XRN1: variants seen among roughly 807,000 people sequenced by gnomAD.
XRN1 encodes the protein strand-exchange protein 1 homolog.
XRN1 carries 67 observed loss-of-function variants against 222.3 expected under a neutral mutation model. That is an observed-to-expected ratio of 0.30 (90% CI 0.25 to 0.37). The LOEUF (loss-of-function observed/expected upper bound fraction) is 0.37. XRN1 is among the 10% of genes least tolerant of loss of function. The probability of loss-of-function intolerance (pLI) is 1.00; values close to 1 mark genes in which losing one functional copy is unlikely to be tolerated. For synonymous variants in XRN1, 643 were observed against 652.4 expected (o/e 0.99, Z 0.22); for missense variants, 1,707 against 2,000.2 (o/e 0.85, Z 2.80).
intron 1 of XRN1, among the ~76,000 whole-genome samples, chr3:142,443,150 C>T (rs1332626436): frequency 2.6e-5 from 4 of 152,178 alleles, no homozygotes; most frequent in South Asian, 2.1e-4. Context: ...AGATCTACCG[C>T]GGACCCCTGG....
intron 1 of XRN1, among the ~76,000 whole-genome samples, chr3:142,446,195 C>T (rs1349179387): frequency 6.6e-6 from 1 of 152,214 alleles, no homozygotes. Flanking sequence ...CTTCCCGTAA[C>T]TTACTTCTTC....
Position 142,380,073 on chromosome 3 carries a change from T to C in XRN1, c.2715+9A>G. The C allele has an allele frequency of 1.2e-6, 2 of 1,608,526 alleles. No homozygotes were observed. Among genetic ancestry groups the C allele is most frequent in the Non-Finnish European group, 1.7e-6 (2 of 1,176,486 alleles). On this transcript the variant is annotated intron_variant, in intron 23 of 40. Transcript: ENST00000392981. The stretch of plus-strand genomic sequence containing the variant: ...TTCTAAATGAAACAATACAAACTAC[T>C]GTACTCACATGCTGGTTCTGTATTA...
At chr3:142,381,292 TAAGA>T (rs1246026146) in intron 22 of XRN1, among the ~76,000 whole-genome samples, 1 of 152,150 alleles carries the variant, frequency 6.6e-6, no homozygotes, top group Admixed American at 6.5e-5. Context: ...GTGTATTTCC[TAAGA>T]TAGATATTTT....
At chr3:142,371,682 T>A (rs2066996219) in intron 25 of XRN1, among the ~76,000 whole-genome samples, 1 of 152,146 alleles carries the variant, frequency 6.6e-6, no homozygotes, top group Non-Finnish European at 1.5e-5. Flanking sequence ...ATACAACAAA[T>A]TAAAATAGAT....
At chr3:142,433,725 TTAGAA>T (rs1310368048) in intron 1 of XRN1, among the ~76,000 whole-genome samples, 7 of 152,204 alleles carry the variant, frequency 4.6e-5, no homozygotes, top group Non-Finnish European at 7.3e-5. Context: ...TAAAAGAATC[TTAGAA>T]TAGAGTCTGC....
At chr3:142,406,971 C>T (rs1450431358) in intron 15 of XRN1, among the ~76,000 whole-genome samples, 13 of 152,188 alleles carry the variant, frequency 8.5e-5, no homozygotes, top group Admixed American at 8.5e-4. Context: ...GTGATCCATG[C>T]CTTTTTATTA....
chr3:142,427,199 G>C (rs879898487), intron 2 of XRN1, among the ~76,000 whole-genome samples: 5 of 152,080 alleles, frequency 3.3e-5, no homozygotes, highest in African/African-American at 4.8e-5. Context: ...CAGGTACAGG[G>C]GCATGTGCCT....
At chr3:142,389,120 C>T (rs977792642) in intron 20 of XRN1, among the ~76,000 whole-genome samples, 14 of 152,084 alleles carry the variant, frequency 9.2e-5, no homozygotes, top group African/African-American at 3.1e-4. Context: ...GGCTGAGGCA[C>T]GAGAATAGCT....
chr3:142,311,791 T>G lies in XRN1; in HGVS notation c.4805A>C (p.Asn1602Thr). ...PLQVTKKRVA[N>T]KKNFENKEAQ... Reference sequence around the variant, plus strand: ...TTCCTTATTCTCAAAGTTCTTTTTGTTTGCAACCCTTTTTTTAGTAACCTG... The same window carrying G: ...TTCCTTATTCTCAAAGTTCTTTTTGGTTGCAACCCTTTTTTTAGTAACCTG... The change falls in exon 41 of 41, where the codon AAC (asparagine) becomes ACC (threonine). Residue 1602 changes from asparagine (N) to threonine (T), a missense_variant. By Grantham distance (65) the Asn-to-Thr change is moderately conservative. This residue lies in a region of XRN1 where 473 missense variants were observed against 482.0 expected (regional missense o/e 0.98). Coordinates refer to ENST00000392981, the MANE Select transcript of XRN1 (RefSeq NM_001282857.2). 6.3e-7 allele frequency: 1 copy of G among 1,592,996 alleles called. No individual in the cohort carries two copies. Among genetic ancestry groups the G allele is most frequent in the South Asian group, 1.1e-5 (1 of 88,360 alleles).
intron 39 of XRN1, among the ~76,000 whole-genome samples, chr3:142,315,177 C>T (rs1340709757): frequency 6.6e-6 from 1 of 151,996 alleles, no homozygotes; most frequent in Non-Finnish European, 1.5e-5. Flanking sequence ...TCTAGTGATC[C>T]TCTGAGCTCA....
chr3:142,376,952 T>C (rs1448612772), intron 23 of XRN1, among the ~76,000 whole-genome samples: 2 of 152,120 alleles, frequency 1.3e-5, no homozygotes, highest in African/African-American at 4.8e-5. Flanking sequence ...CTAATTTTCA[T>C]ATTCCAAGCA....
intron 29 of XRN1, among the ~76,000 whole-genome samples, chr3:142,360,884 A>AAC (rs1158331321): frequency 4.9e-4 from 75 of 151,552 alleles, no homozygotes; most frequent in African/African-American, 1.6e-3. Context: ...AAAAAAAAAA[A>AAC]AAAAAACCAA....
At position 142,380,165 on chromosome 3, in the gene XRN1, C is replaced by T. The variant is rs1160890932; in HGVS notation, c.2632G>A (p.Asp878Asn). 1.9e-6 allele frequency: 3 copies of T among 1,613,640 alleles called. No homozygotes were observed. Among genetic ancestry groups the T allele is most frequent in the Admixed American group, 1.7e-5 (1 of 59,950 alleles). The change falls in exon 23 of 41, where the codon GAT (aspartate) becomes AAT (asparagine). Residue 878 changes from aspartate (D) to asparagine (N), a missense_variant. Asp to Asn is a conservative substitution (Grantham distance 23). Transcript: ENST00000392981. ...GCTGEVQDSG[D>N]VITEGRIRVI... ...CGAATCCTACCTTCTGTAATCACAT[C>T]ACCTGAATCCTGAACCTTAGAAGAA... is the stretch of plus-strand genomic sequence containing the variant.
chr3:142,373,401 A>C (rs1241939940), intron 25 of XRN1, among the ~76,000 whole-genome samples: 1 of 152,060 alleles, frequency 6.6e-6, no homozygotes, highest in East Asian at 1.9e-4. Context: ...CAGAAATAGA[A>C]AGCAGGAAAA....
At chr3:142,394,402 C>T (rs190668457) in intron 20 of XRN1, among the ~76,000 whole-genome samples, 54 of 152,270 alleles carry the variant, frequency 3.5e-4, no homozygotes, top group African/African-American at 1.2e-3. Flanking sequence ...AAAGGATCCT[C>T]AATACTGCTT....
intron 2 of XRN1, among the ~76,000 whole-genome samples, chr3:142,431,864 A>AT (rs1559879257): frequency 3.7e-5 from 1 of 27,372 alleles, no homozygotes; most frequent in South Asian, 5.7e-4. Flanking sequence ...TATTATATAT[A>AT]ATATATTATA....
chr3:142,362,096 G>A (rs1258621107), intron 29 of XRN1, among the ~76,000 whole-genome samples: 4 of 150,408 alleles, frequency 2.7e-5, no homozygotes, highest in Non-Finnish European at 4.4e-5. Flanking sequence ...AGCCTCCTGA[G>A]TAGCTGGGAT....
At chr3:142,344,057 T>C (rs887885629) in intron 33 of XRN1, among the ~76,000 whole-genome samples, 2 of 125,936 alleles carry the variant, frequency 1.6e-5, no homozygotes, top group Admixed American at 2.2e-4. Flanking sequence ...CTCATGAAAA[T>C]AGAGTAGAAG....
At chr3:142,433,836 G>A (rs894022864) in intron 1 of XRN1, among the ~76,000 whole-genome samples, 2 of 152,060 alleles carry the variant, frequency 1.3e-5, no homozygotes, top group South Asian at 2.1e-4. Context: ...TTTACAACAC[G>A]TACAAGTAAC....
Sources: allele counts gnomAD v4.1 joint callset (sites outside exome capture counted in the v4.1 genomes callset), GRCh38; gene constraint gnomAD v4.1.1; regional missense constraint gnomAD v4.1.1; transcripts MANE v1.5; gene names NCBI Gene and HGNC (gene_info 2026-07-23, HGNC 2026-07-21).